CCDC40: variants seen among roughly 807,000 people sequenced by gnomAD.
CCDC40 encodes the protein coiled-coil domain-containing protein 40.
In CCDC40, 104 loss-of-function variants were observed where a neutral mutation model predicts 124.5. That is an observed-to-expected ratio of 0.84 (90% CI 0.71 to 0.98). CCDC40 has a LOEUF of 0.98. CCDC40 is among the 50% of genes least tolerant of loss of function. The pLI is 0.00. For missense variants in CCDC40, 1,463 were observed against 1,503.9 expected (o/e 0.97, Z 0.45); for synonymous variants, 580 against 602.9 (o/e 0.96, Z 0.56).
At chr17:80,092,562 T>C (rs1019307195) in intron 17 of CCDC40, among the ~76,000 whole-genome samples, 1 of 152,236 alleles carries the variant, frequency 6.6e-6, no homozygotes, top group Admixed American at 6.5e-5. Context: ...TTTCCTTGCT[T>C]AGCCTCATGC....
At chr17:80,084,651 C>T (rs1368653032) in intron 12 of CCDC40, 92 bp from the exon 13 acceptor site, 4 of 1,474,110 alleles carry the variant, frequency 2.7e-6, no homozygotes, top group Admixed American at 1.7e-5. Context: ...TCCAGAGGAA[C>T]ATCCCGACCG....
chr17:80,057,932 G>A (rs145808851), intron 7 of CCDC40, among the ~76,000 whole-genome samples: 3 of 151,820 alleles, frequency 2.0e-5, no homozygotes, highest in Non-Finnish European at 4.4e-5. Context: ...TCAGTTCCTC[G>A]GGCCTTGGCC....
chr17:80,087,691 T>A lies in CCDC40; in HGVS notation c.2534T>A (p.Met845Lys), dbSNP rs749389402. 2 of 1,613,906 alleles carry A rather than the reference T, an allele frequency of 1.2e-6. No individual in the cohort carries two copies. The highest frequency in any genetic ancestry group is 2.2e-5 in the South Asian group (2 of 91,082). The change falls in exon 15 of 20, where the codon ATG becomes AAG. Residue 845 changes from methionine (M) to lysine (K), a missense_variant. By Grantham distance (95) the Met-to-Lys change is moderately conservative. Coordinates refer to ENST00000397545, the MANE Select transcript of CCDC40 (RefSeq NM_017950.4). This position sits in a 1 kb window ranked among gnomAD's most constrained non-coding sequence, Gnocchi z 4.5. Reference protein sequence around the residue: ...DLDNDLKKLNMLMNKNRCSSE... With the variant: ...DLDNDLKKLNKLMNKNRCSSE... The stretch of plus-strand genomic sequence containing the variant: ...GACAACGACCTGAAGAAGCTCAACA[T>A]GTTGATGAATAAAAACCGGTGCAGC...
rs2037544571 is a variant in CCDC40 at position 80,050,147 on chromosome 17, G to A, written c.1023G>A (p.Leu341=). 2 of 1,613,644 alleles carry A rather than the reference G, an allele frequency of 1.2e-6. No homozygotes were observed. Among genetic ancestry groups the A allele is most frequent in the Non-Finnish European group, 1.7e-6 (2 of 1,180,006 alleles). ...LYEVQQHLVH[L]QKLLEKSHDR... is the part of the protein sequence containing the mutation. ...AGGTGCAGCAGCACCTGGTACACCT[G>A]CAGAAGCTGCTGGAGAAGAGTCACG... The change falls in exon 7 of 20, where the codon CTG becomes CTA. Residue 341 remains leucine (L), a synonymous_variant. Transcript: ENST00000397545.
rs1304060397 is a variant in CCDC40, at chr17:80,058,561, G to A, written c.1227G>A (p.Gln409=). The change falls in exon 8 of 20, where the codon CAG becomes CAA. Residue 409 remains glutamine, a synonymous_variant. Transcript: ENST00000397545. This position sits in a 1 kb window ranked among gnomAD's most constrained non-coding sequence, Gnocchi z 4.2. ...LHLFYMQNID[Q]DMRDDIRVMT... is the part of the protein sequence containing the mutation. Reference sequence around the variant, plus strand: ...TCTTCTACATGCAGAACATCGACCAGGACATGCGTGACGACATCCGCGTGA... The same window carrying A: ...TCTTCTACATGCAGAACATCGACCAAGACATGCGTGACGACATCCGCGTGA... The A allele has an allele frequency of 6.2e-7, 1 of 1,614,174 alleles. No individual in the cohort carries two copies. Among genetic ancestry groups the A allele is most frequent in the Non-Finnish European group, 8.5e-7 (1 of 1,180,016 alleles).
chr17:80,091,018 G>A (rs372483028), intron 17 of CCDC40, among the ~76,000 whole-genome samples: 85 of 152,260 alleles, frequency 5.6e-4, no homozygotes, highest in African/African-American at 1.9e-3. Flanking sequence ...CTTCTTCCCC[G>A]GCTCCCCCTC....
chr17:80,099,771 C>T lies in CCDC40; in HGVS notation c.3425C>T (p.Ser1142Phe). The part of the protein sequence containing the change: ...IANKLESPGP[S>F] ...AACAAGCTCGAGTCACCAGGGCCCT[C>T]CTAGGGAGCAGCCTGGACTCCGCCT... Residue 1142 changes from serine (S) to phenylalanine (F), a missense_variant, in exon 20 of 20, where the codon TCC becomes TTC. Physicochemically the swap from Ser to Phe is radical, Grantham distance 155 (BLOSUM62 -2). Coordinates refer to ENST00000397545, the MANE Select transcript of CCDC40 (RefSeq NM_017950.4). 6.2e-7 allele frequency: 1 copy of T among 1,612,682 alleles called. No homozygotes were observed.
intron 12 of CCDC40, among the ~76,000 whole-genome samples, chr17:80,082,896 G>A (rs879456096): frequency 2.6e-5 from 4 of 152,238 alleles, no homozygotes; most frequent in Admixed American, 6.5e-5. Flanking sequence ...TTTTCCAACC[G>A]ATGCCAGTCC....
At position 80,097,399 on chromosome 17, in the gene CCDC40, G is replaced by A. The variant is rs200902434; in HGVS notation, c.3176G>A (p.Arg1059Gln). The A allele has an allele frequency of 9.2e-5, 149 of 1,613,922 alleles. 2 individuals are homozygous for A. The highest frequency in any genetic ancestry group is 4.9e-4 in the Middle Eastern group (3 of 6,062). The change falls in exon 19 of 20, where the codon CGA becomes CAA. Residue 1059 changes from arginine (R) to glutamine (Q), a missense_variant. Coordinates refer to ENST00000397545, the MANE Select transcript of CCDC40 (RefSeq NM_017950.4). Reference sequence around the variant, plus strand: ...CTCACCCGGCTTGGGGCCCTCAAACGACAGGTAAACGTGTCCCAGGAGGTC... The same window carrying A: ...CTCACCCGGCTTGGGGCCCTCAAACAACAGGTAAACGTGTCCCAGGAGGTC... The part of the protein sequence containing the change: ...ADLTRLGALK[R>Q]QNLSEIVALQ...
chr17:80,082,903 G>A (rs1261665188), intron 12 of CCDC40, among the ~76,000 whole-genome samples: 1 of 152,242 alleles, frequency 6.6e-6, no homozygotes, highest in Non-Finnish European at 1.5e-5. Context: ...ACCGATGCCA[G>A]TCCAGCTGCT....
chr17:80,051,957 G>A (rs967252730), intron 7 of CCDC40, among the ~76,000 whole-genome samples: 5 of 152,170 alleles, frequency 3.3e-5, no homozygotes, highest in Non-Finnish European at 5.9e-5. Context: ...GGCCAGAGCC[G>A]AGGCTCTTCA....
chr17:80,048,594 G>C lies in CCDC40; in HGVS notation c.688G>C (p.Gly230Arg), dbSNP rs2037491374. 6.2e-7 allele frequency: 1 copy of C among 1,613,662 alleles called. No individual in the cohort carries two copies. Among genetic ancestry groups the C allele is most frequent in the East Asian group, 2.2e-5 (1 of 44,868 alleles). ...GTCTCTCCCCCCAGTGATCCCCCCA[G>C]GGGTGCCCGATGCCCACCCCAGGGA... ...FVSQEPVIPPGVPDAHPREGD... is the reference protein window; with the variant it reads ...FVSQEPVIPPRVPDAHPREGD... The change falls in exon 5 of 20, where the codon GGG becomes CGG. Residue 230 changes from glycine to arginine, a missense_variant. Physicochemically the swap from Gly to Arg is moderately radical, Grantham distance 125. Transcript: ENST00000397545.
chr17:80,040,706 T>G (rs1555889917), intron 3 of CCDC40, among the ~76,000 whole-genome samples: 1 of 151,026 alleles, frequency 6.6e-6, no homozygotes, highest in Non-Finnish European at 1.5e-5. Context: ...GAAAAGAAAT[T>G]TCTTAGCAAG....
intron 9 of CCDC40, among the ~76,000 whole-genome samples, chr17:80,065,040 T>A (rs1158098771): frequency 7.9e-6 from 1 of 127,264 alleles, no homozygotes; most frequent in Non-Finnish European, 1.7e-5. Context: ...TTCCTCTCCG[T>A]CTTCCCCCTC....
rs1273753352 is a variant in CCDC40 at position 80,065,582 on chromosome 17, A to G, written c.1538A>G (p.His513Arg). 1 of 1,612,798 alleles carries G rather than the reference A, an allele frequency of 6.2e-7. No homozygotes were observed. The highest frequency in any genetic ancestry group is 1.3e-5 in the African/African-American group (1 of 75,034). Residue 513 changes from histidine to arginine, a missense_variant, in exon 10 of 20, where the codon CAC (histidine) becomes CGC (arginine). By Grantham distance (29) the His-to-Arg change is conservative (BLOSUM62 0). Coordinates refer to ENST00000397545, the MANE Select transcript of CCDC40 (RefSeq NM_017950.4). The part of the protein sequence containing the change: ...LVGMKHRDEA[H>R]RAVLEALRGC... ...GGCATGAAGCACCGCGACGAGGCGCACAGGGCGGTGCTGGAGGCGCTCAGG... is the reference window on the plus strand; with the variant it reads ...GGCATGAAGCACCGCGACGAGGCGCGCAGGGCGGTGCTGGAGGCGCTCAGG...
In CCDC40 at chr17:80,036,680, C is replaced by A; in HGVS notation, c.18C>A (p.Gly6=). The A allele has an allele frequency of 1.4e-6, 2 of 1,457,582 alleles. No homozygotes were observed. The highest frequency in any genetic ancestry group is 2.9e-5 in the East Asian group (1 of 34,954). The allele number at this position is 1,457,582 out of a possible 1,614,324, so 90.3% of individuals were successfully genotyped here. Residue 6 remains glycine, a synonymous_variant, in exon 1 of 20, where the codon GGC becomes GGA. Transcript: ENST00000397545. Reference sequence around the variant, plus strand: ...AACGGGAAATGGCGGAACCGGGCGGCGCGGCGGGCCGGTAAGCCGGGCCGA... The same window carrying A: ...AACGGGAAATGGCGGAACCGGGCGGAGCGGCGGGCCGGTAAGCCGGGCCGA... MAEPG[G]AAGRSHPEDG...
At chr17:80,057,695 T>G (rs1243898337) in intron 7 of CCDC40, among the ~76,000 whole-genome samples, 1 of 151,764 alleles carries the variant, frequency 6.6e-6, no homozygotes, top group African/African-American at 2.4e-5. Context: ...GCTAACATGG[T>G]GAAACCCCGT....
rs10582928 is a variant in CCDC40, at chr17:80,044,716, A to AATAT, written c.553-2544_553-2541dup. ...AACAAAACAAACAAACAAAAAAAAA[A>AATAT]ATATATATATATATATATATATCTC... On this transcript the variant is annotated intron_variant, in intron 3 of 19. Coordinates refer to ENST00000397545, the MANE Select transcript of CCDC40 (RefSeq NM_017950.4). Among the ~76,000 whole-genome samples the AATAT allele has an allele frequency of 4.6e-5, 6 of 131,806 alleles. No homozygotes were observed. In the South Asian group the frequency reaches 1.4e-3, roughly 31 times the overall value. The allele number at this position is 131,806 out of a possible 152,430, so 86.5% of individuals were successfully genotyped here.
intron 17 of CCDC40, chr17:80,090,814 C>A: frequency 8.2e-7 from 1 of 1,216,600 alleles, no homozygotes. Flanking sequence ...TTCACCATGC[C>A]ATGCTAAATA....
Sources: gnomAD v4.1 joint callset for allele counts (sites outside exome capture counted in the v4.1 genomes callset) on GRCh38, gnomAD v4.1.1 for gene constraint, Gnocchi (gnomAD v3.1) non-coding constraint, MANE v1.5 for transcripts, NCBI Gene and HGNC (gene_info 2026-07-23, HGNC 2026-07-21) for gene names.